SPATA24: variants seen among roughly 807,000 people sequenced by gnomAD.
SPATA24 encodes spermatogenesis-associated protein 24.
SPATA24 carries 21 observed loss-of-function variants against 28.9 expected under a neutral mutation model. The observed-to-expected ratio is 0.73, with a 90% CI of 0.52 to 1.05. The LOEUF (loss-of-function observed/expected upper bound fraction) is 1.05. Among genes scored for constraint, SPATA24 ranks in the 50% least tolerant of loss-of-function variants. The probability of loss-of-function intolerance (pLI) is 0.00; values close to 1 mark genes in which losing one functional copy is unlikely to be tolerated. For missense variants in SPATA24, 215 were observed against 242.9 expected (o/e 0.88, Z 0.76); for synonymous variants, 76 against 89.9 (o/e 0.85, Z 0.88).
chr5:139,402,813 C>A, intron 1 of SPATA24, 120 bp from the exon 2 acceptor site: 1 of 734,876 alleles, frequency 1.4e-6, no homozygotes, highest in Non-Finnish European at 2.3e-6. Flanking sequence ...GAGACTGAGG[C>A]CTTGGGAAGG....
downstream of SPATA24, chr5:139,393,197 T>TG: frequency 6.5e-7 from 1 of 1,549,604 alleles, no homozygotes; most frequent in Non-Finnish European, 8.7e-7. Flanking sequence ...TTCACCAACT[T>TG]GCGCACGTCT....
At chr5:139,396,414 A>T (rs4365836), downstream of SPATA24, 346,462 of 1,055,102 alleles carry the variant, frequency 0.33, 63,079 homozygotes, top group African/African-American at 0.69. Context: ...ATTTGCAGGT[A>T]TAACATTATT....
At chr5:139,393,200 G>A, downstream of SPATA24, 1 of 1,549,500 alleles carries the variant, frequency 6.5e-7, no homozygotes, top group Non-Finnish European at 8.7e-7. Context: ...ACCAACTTGC[G>A]CACGTCTCGA....
chr5:139,401,936 T>C lies in SPATA24; in HGVS notation c.293A>G (p.Glu98Gly). Reference sequence around the variant, plus strand: ...TCACGCTTTTTCAAAGGCCAGCTTCTCTTTCTCCAGCTGCTTGGATAGCAC... The same window carrying C: ...TCACGCTTTTTCAAAGGCCAGCTTCCCTTTCTCCAGCTGCTTGGATAGCAC... ...VEVLSKQLEK[E>G]KLAFEKALSS... Residue 98 changes from glutamate to glycine, a missense_variant, in exon 3 of 6, where the codon GAG becomes GGG. Physicochemically the swap from Glu to Gly is moderately conservative, Grantham distance 98. Transcript: ENST00000450845. 4 of 1,551,874 alleles carry C rather than the reference T, an allele frequency of 2.6e-6. No homozygotes were observed. The highest frequency in any genetic ancestry group is 3.5e-6 in the Non-Finnish European group (4 of 1,147,018).
downstream of SPATA24, chr5:139,393,556 C>T (rs1758637314): frequency 1.9e-6 from 3 of 1,551,018 alleles, no homozygotes; most frequent in African/African-American, 1.4e-5. Flanking sequence ...TCCAATAGGA[C>T]GATCTGGAGC....
chr5:139,402,591 G>A (rs377049018), intron 2 of SPATA24, 37 bp downstream of exon 2: 212 of 1,532,788 alleles, frequency 1.4e-4, no homozygotes, highest in Middle Eastern at 1.7e-4. Context: ...CCTGGGAAAC[G>A]GGGGAAGATT....
chr5:139,402,384 A>AAT (rs1303899329), intron 2 of SPATA24, among the ~76,000 whole-genome samples: 296 of 150,078 alleles, frequency 2.0e-3, no homozygotes, highest in African/African-American at 7.0e-3. Context: ...ATGCTTGGCT[A>AAT]ATATATATAT....
chr5:139,393,282 C>A, downstream of SPATA24: 1 of 1,550,104 alleles, frequency 6.5e-7, no homozygotes, highest in Non-Finnish European at 8.7e-7. Flanking sequence ...GGCACTTATC[C>A]GCGTCCAGGG....
At chr5:139,403,509 G>T (rs1184558111) in intron 1 of SPATA24, among the ~76,000 whole-genome samples, 1 of 152,212 alleles carries the variant, frequency 6.6e-6, no homozygotes, top group Non-Finnish European at 1.5e-5. Flanking sequence ...AGTTCTTGGA[G>T]GCCCCTAAGT....
chr5:139,401,761 A>T lies in SPATA24; in HGVS notation c.379T>A (p.Cys127Ser), dbSNP rs985411152. ...SSKKDQLITK[C>S]NEIESHIIKQ... ...GCACGGGCCTCCCGCCTACCATTGCACTTGGTGATGAGCTGGTCCTTCTTG... is the reference window on the plus strand; with the variant it reads ...GCACGGGCCTCCCGCCTACCATTGCTCTTGGTGATGAGCTGGTCCTTCTTG... Residue 127 changes from cysteine (C) to serine (S), a missense_variant, in exon 4 of 6, where the codon TGC becomes AGC. Cys to Ser is a moderately radical substitution (Grantham distance 112, BLOSUM62 -1). Coordinates refer to ENST00000450845, the MANE Select transcript of SPATA24 (RefSeq NM_194296.2). 1 of 1,551,448 alleles carries T rather than the reference A, an allele frequency of 6.4e-7. No homozygotes were observed. Among genetic ancestry groups the T allele is most frequent in the Admixed American group, 2.0e-5 (1 of 50,972 alleles).
downstream of SPATA24, chr5:139,395,254 C>G (rs971360083): frequency 5.1e-5 from 27 of 530,154 alleles, no homozygotes; most frequent in Non-Finnish European, 7.8e-5. Flanking sequence ...CTGCACCCTT[C>G]CCTGTCCAGC....
At chr5:139,399,248 C>T (rs1243961430) in intron 4 of SPATA24, among the ~76,000 whole-genome samples, 1 of 147,190 alleles carries the variant, frequency 6.8e-6, no homozygotes, top group Non-Finnish European at 1.5e-5. Context: ...ACCTGAGAGG[C>T]GGAGCTTGCA....
downstream of SPATA24, chr5:139,393,178 T>A: frequency 6.5e-7 from 1 of 1,549,442 alleles, no homozygotes; most frequent in East Asian, 2.4e-5. Context: ...GCCTGGCGCG[T>A]ACGTGGTCTT....
chr5:139,399,986 A>G (rs1370002178), intron 4 of SPATA24, among the ~76,000 whole-genome samples: 1 of 152,198 alleles, frequency 6.6e-6, no homozygotes, highest in Non-Finnish European at 1.5e-5. Context: ...AGAGGGCAAG[A>G]CTGAGGGGAC....
downstream of SPATA24, chr5:139,394,268 C>T (rs1352658447): frequency 1.9e-6 from 3 of 1,543,212 alleles, no homozygotes; most frequent in Non-Finnish European, 2.6e-6. Flanking sequence ...CCCGTGGACC[C>T]GAAGGTGGCG....
chr5:139,400,279 G>A (rs1000573454), intron 4 of SPATA24, among the ~76,000 whole-genome samples: 2 of 148,700 alleles, frequency 1.3e-5, no homozygotes, highest in African/African-American at 4.9e-5. Flanking sequence ...CAAAGCAGAT[G>A]TTGTGCCTGG....
downstream of SPATA24, chr5:139,392,954 A>AG (rs1561988756): frequency 2.0e-6 from 3 of 1,510,234 alleles, no homozygotes; most frequent in Non-Finnish European, 2.7e-6. The surrounding 1 kb of genome is among the most constrained non-coding windows in gnomAD (Gnocchi z 5.8). Flanking sequence ...TTGGGCTGTG[A>AG]GGCGTCCCGG....
At chr5:139,394,296 C>T, downstream of SPATA24, 1 of 1,519,332 alleles carries the variant, frequency 6.6e-7, no homozygotes, top group Non-Finnish European at 8.8e-7. Context: ...GGGCCGGGGC[C>T]TCGGGGCTCA....
chr5:139,397,610 A>G (rs1473159944), intron 4 of SPATA24, among the ~76,000 whole-genome samples: 1 of 150,204 alleles, frequency 6.7e-6, no homozygotes, highest in South Asian at 2.1e-4. Context: ...GCTGGAGTGC[A>G]GTGGCATGAT....
Sources: allele counts gnomAD v4.1 joint callset (sites outside exome capture counted in the v4.1 genomes callset), GRCh38; gene constraint gnomAD v4.1.1; non-coding constraint Gnocchi (gnomAD v3.1); transcripts MANE v1.5; gene names NCBI Gene and HGNC (gene_info 2026-07-23, HGNC 2026-07-21).